Variants in UACA observed in about 807,000 individuals in gnomAD.
UACA encodes nuclear membrane binding protein.
A neutral mutation model predicts 160.5 loss-of-function variants in UACA; 112 were observed. The ratio of observed to expected loss-of-function variants is 0.70; its 90% CI spans 0.60 to 0.82. The LOEUF is 0.82. Among genes scored for constraint, UACA ranks in the 40% least tolerant of loss-of-function variants. UACA has a pLI of 0.00. For missense variants in UACA, 1,574 were observed against 1,614.6 expected, an observed-to-expected ratio of 0.97 and a Z score of 0.43; for synonymous variants, 557 against 568.4, an observed-to-expected ratio of 0.98 and a Z score of 0.29.
chr15:70,716,491 G>C (rs776520222), intron 1 of UACA, among the ~76,000 whole-genome samples: 1 of 152,134 alleles, frequency 6.6e-6, no homozygotes, highest in Non-Finnish European at 1.5e-5. Flanking sequence ...AGGACTGCCT[G>C]AATCTAGAGC....
rs1358659307 is a variant in UACA at position 70,683,906 on chromosome 15, T to A, written c.784+359A>T. Among the ~76,000 whole-genome samples the A allele has an allele frequency of 3.3e-5, 5 of 151,888 alleles. No individual in the cohort carries two copies. In the East Asian group the frequency reaches 9.6e-4, roughly 29 times the overall value. ...ATATCAGCTGACTATTTTACATACA[T>A]GTTTAAACAATGATTCTTTAAAACT... is the stretch of plus-strand genomic sequence containing the variant. On this transcript the variant is annotated intron_variant, in intron 8 of 18. Transcript: ENST00000322954.
chr15:70,715,043 T>C lies in UACA; in HGVS notation c.79-15383A>G, dbSNP rs78436938. Among the ~76,000 whole-genome samples the C allele has an allele frequency of 8.9e-3, 1,349 of 152,334 alleles. 8 individuals carry two copies. Among genetic ancestry groups the C allele is most frequent in the Non-Finnish European group, 0.014 (985 of 68,004 alleles). On this transcript the variant is annotated intron_variant, in intron 1 of 18. Coordinates refer to ENST00000322954, the MANE Select transcript of UACA (RefSeq NM_018003.4). ...TCAGGCTGGATAAGATTTTGTTTAATATTCCCTTAAAAATACTACACAATT... is the reference window on the plus strand; with the variant it reads ...TCAGGCTGGATAAGATTTTGTTTAACATTCCCTTAAAAATACTACACAATT...
chr15:70,690,116 A>G (rs1897876074), intron 5 of UACA, among the ~76,000 whole-genome samples: 1 of 151,956 alleles, frequency 6.6e-6, no homozygotes, highest in Admixed American at 6.6e-5. Flanking sequence ...TCCCAAAGAC[A>G]TGAAACACAC....
At chr15:70,690,661 C>A in intron 4 of UACA, 150 bp from the exon 5 acceptor site, 1 of 608,426 alleles carries the variant, frequency 1.6e-6, no homozygotes, top group South Asian at 2.3e-5. Flanking sequence ...AATATGCTGA[C>A]ATGGAACAAA....
At chr15:70,767,036 C>G (rs184434117), upstream of UACA, among the ~76,000 whole-genome samples, 3 of 151,156 alleles carry the variant, frequency 2.0e-5, no homozygotes, top group East Asian at 5.9e-4. Flanking sequence ...GTCAGGAGAT[C>G]GAGACAATCC....
At chr15:70,726,105 C>T (rs942119844) in intron 1 of UACA, among the ~76,000 whole-genome samples, 1 of 152,132 alleles carries the variant, frequency 6.6e-6, no homozygotes, top group African/African-American at 2.4e-5. Context: ...AACAAACTTG[C>T]TTTCCTACAG....
chr15:70,668,301 CCTTA>C lies in UACA; in HGVS notation c.2379_2382del (p.Ser793ArgfsTer3). 6.2e-7 allele frequency: 1 copy of C among 1,613,154 alleles called. No individual in the cohort carries two copies. Among genetic ancestry groups the C allele is most frequent in the Non-Finnish European group, 8.5e-7 (1 of 1,179,882 alleles). On this transcript the variant is annotated frameshift_variant, in exon 16 of 19. Transcript: ENST00000322954. LOFTEE classifies it high-confidence loss of function. ...AACACAGTTTCTAGGCGGCTTACAT[CCTTA>C]CTTAAGCTGTCATTTTCCAGTAGCA... is the stretch of plus-strand genomic sequence containing the variant.
chr15:70,659,804 A>G (rs1231239891), intron 18 of UACA, among the ~76,000 whole-genome samples: 1 of 152,046 alleles, frequency 6.6e-6, no homozygotes, highest in Admixed American at 6.6e-5. Context: ...ATTCAAAGCC[A>G]TTCCCACTCT....
At chr15:70,671,130 T>A in intron 14 of UACA, 39 bp from the exon 15 acceptor site, 2 of 1,391,414 alleles carry the variant, frequency 1.4e-6, no homozygotes, top group Non-Finnish European at 2.0e-6. Flanking sequence ...AACTTCAATA[T>A]CCATACTAAA....
At position 70,724,987 on chromosome 15, in the gene UACA, G is replaced by A. The variant is rs374781865; in HGVS notation, c.79-25327C>T. On this transcript the variant is annotated intron_variant, in intron 1 of 18. Coordinates refer to ENST00000322954, the MANE Select transcript of UACA (RefSeq NM_018003.4). ...GCACCTTGTAGTCCTAGCTACACCAGAGGCTAAGTTGGGAGGATCACTTAA... is the reference window on the plus strand; with the variant it reads ...GCACCTTGTAGTCCTAGCTACACCAAAGGCTAAGTTGGGAGGATCACTTAA... Among the ~76,000 whole-genome samples the A allele has an allele frequency of 1.7e-4, 26 of 151,536 alleles. No homozygotes were observed. The East Asian group carries it at 2.5e-3, about 15-fold the overall frequency.
At chr15:70,709,588 A>C (rs1898621363) in intron 1 of UACA, among the ~76,000 whole-genome samples, 1 of 152,180 alleles carries the variant, frequency 6.6e-6, no homozygotes, top group South Asian at 2.1e-4. Context: ...CCATAATTCC[A>C]CCATGCAGAA....
intron 1 of UACA, chr15:70,748,966 AACTTTAAAAGTTAGTTTCAAATATC>A (rs1899795404): frequency 6.5e-6 from 1 of 153,312 alleles, no homozygotes; most frequent in African/African-American, 2.4e-5. Context: ...TCTTAAAACT[AACTTTAAAAGTTAGTTTCAAATATC>A]ACTCATATTG....
chr15:70,665,995 G>A (rs946080720), intron 16 of UACA, among the ~76,000 whole-genome samples: 24 of 152,148 alleles, frequency 1.6e-4, no homozygotes, highest in Admixed American at 5.9e-4. Flanking sequence ...TGTACCATGA[G>A]AATTAAAGCT....
chr15:70,762,893 C>G (rs953133450), intron 1 of UACA, among the ~76,000 whole-genome samples: 2 of 152,208 alleles, frequency 1.3e-5, no homozygotes, highest in Non-Finnish European at 2.9e-5. Flanking sequence ...GCCCACCTGC[C>G]CTACCTGGTG....
chr15:70,669,902 G>A (rs915406779), intron 15 of UACA, among the ~76,000 whole-genome samples: 1 of 152,122 alleles, frequency 6.6e-6, no homozygotes, highest in Non-Finnish European at 1.5e-5. Context: ...CAAGTACTGC[G>A]ATTTTAAATT....
chr15:70,757,660 G>A (rs1429315205), intron 1 of UACA, among the ~76,000 whole-genome samples: 1 of 152,186 alleles, frequency 6.6e-6, no homozygotes, highest in Admixed American at 6.5e-5. Flanking sequence ...GATCTTGAAA[G>A]AATGCATCAC....
chr15:70,659,311 ATT>A (rs1428156107), intron 18 of UACA, among the ~76,000 whole-genome samples: 1 of 123,880 alleles, frequency 8.1e-6, no homozygotes, highest in Non-Finnish European at 1.8e-5. Context: ...TCTTTTTATT[ATT>A]TTATCTAGTT....
At chr15:70,675,673 T>C (rs1897283837) in intron 13 of UACA, among the ~76,000 whole-genome samples, 1 of 152,260 alleles carries the variant, frequency 6.6e-6, no homozygotes, top group Non-Finnish European at 1.5e-5. Context: ...GTGAGATTCA[T>C]ACATGTTTTA....
chr15:70,679,700 C>T (rs747550279), intron 9 of UACA, 24 bp from the exon 10 acceptor site: 13 of 1,507,690 alleles, frequency 8.6e-6, no homozygotes, highest in South Asian at 4.7e-5. Context: ...TAAGAAAACA[C>T]GGGTCAGCAA....
Sources: allele counts gnomAD v4.1 joint callset (sites outside exome capture counted in the v4.1 genomes callset), GRCh38; gene constraint gnomAD v4.1.1; transcripts MANE v1.5; gene names NCBI Gene and HGNC (gene_info 2026-07-23, HGNC 2026-07-21).